The following FAM13A variants were observed in gnomAD, a reference collection of about 807,000 sequenced individuals.
FAM13A encodes the protein family with sequence similarity 13 member A, also known as protein FAM13A.
Under a neutral mutation model 129.6 loss-of-function variants are expected in FAM13A, and 76 were observed. The ratio of observed to expected loss-of-function variants is 0.59; its 90% confidence interval spans 0.49 to 0.71. The LOEUF (loss-of-function observed/expected upper bound fraction) is 0.71. Among genes scored for constraint, FAM13A ranks in the 30% least tolerant of loss-of-function variants. The pLI is 0.00. For missense variants in FAM13A, 1,108 were observed against 1,249.3 expected, an observed-to-expected ratio of 0.89 and a Z score of 1.70; for synonymous variants, 443 against 449.9, an observed-to-expected ratio of 0.98 and a Z score of 0.20.
intron 7 of FAM13A, among the ~76,000 whole-genome samples, chr4:88,817,833 G>C (rs940272764): frequency 6.6e-6 from 1 of 152,148 alleles, no homozygotes; most frequent in Non-Finnish European, 1.5e-5. Flanking sequence ...AGCACTACCT[G>C]AACTGTGCTA....
chr4:88,802,370 C>T (rs375890611), intron 8 of FAM13A, among the ~76,000 whole-genome samples: 7 of 150,946 alleles, frequency 4.6e-5, no homozygotes, highest in African/African-American at 1.5e-4. Context: ...AGATTGATAG[C>T]TACTGTTTCC....
At chr4:88,925,973 G>A (rs1752083620) in intron 5 of FAM13A, among the ~76,000 whole-genome samples, 1 of 152,070 alleles carries the variant, frequency 6.6e-6, no homozygotes, top group African/African-American at 2.4e-5. Context: ...TTAACCAGAA[G>A]CAGAACTTGC....
At chr4:88,759,060 A>T (rs925316126) in intron 13 of FAM13A, 159 bp from the exon 14 acceptor site, 22 of 668,706 alleles carry the variant, frequency 3.3e-5, no homozygotes, top group Non-Finnish European at 5.2e-5. Context: ...CCCGGATCCT[A>T]GCTGGCCACT....
intron 6 of FAM13A, among the ~76,000 whole-genome samples, chr4:88,900,950 A>G (rs1272466145): frequency 6.6e-6 from 1 of 152,098 alleles, no homozygotes; most frequent in Non-Finnish European, 1.5e-5. Flanking sequence ...GATGGAGGAA[A>G]ATTTCCAAGC....
intron 5 of FAM13A, 28 bp downstream of exon 5, chr4:88,938,060 A>T: frequency 1.9e-6 from 3 of 1,572,504 alleles, no homozygotes; most frequent in Non-Finnish European, 2.6e-6. Flanking sequence ...TTATAGCAAT[A>T]CTGAAAATTA....
chr4:89,037,536 T>G (rs1183667694), intron 1 of FAM13A, among the ~76,000 whole-genome samples: 1 of 152,232 alleles, frequency 6.6e-6, no homozygotes, highest in Admixed American at 6.5e-5. Context: ...GACTTTGGAC[T>G]GGACTTTTGA....
At chr4:88,853,945 T>C (rs1738053255) in intron 6 of FAM13A, among the ~76,000 whole-genome samples, 1 of 152,204 alleles carries the variant, frequency 6.6e-6, no homozygotes, top group Non-Finnish European at 1.5e-5. Flanking sequence ...CTCTTGGACT[T>C]ACACCAGTGG....
At chr4:88,776,693 G>C (rs1045857600) in intron 11 of FAM13A, among the ~76,000 whole-genome samples, 1 of 152,060 alleles carries the variant, frequency 6.6e-6, no homozygotes, top group African/African-American at 2.4e-5. Context: ...TGCACCTAGT[G>C]GCCGAGTGTG....
intron 7 of FAM13A, among the ~76,000 whole-genome samples, chr4:88,834,194 G>T (rs1012210882): frequency 2.1e-5 from 3 of 140,898 alleles, no homozygotes; most frequent in African/African-American, 8.4e-5. Flanking sequence ...TTATAGGCGT[G>T]AGCCGCCATG....
intron 5 of FAM13A, among the ~76,000 whole-genome samples, chr4:88,925,356 C>G (rs895450903): frequency 8.5e-5 from 13 of 152,110 alleles, no homozygotes; most frequent in Non-Finnish European, 1.3e-4. Flanking sequence ...ACACATACAC[C>G]ACGGAATACT....
At chr4:89,045,956 G>A (rs148862967) in intron 1 of FAM13A, among the ~76,000 whole-genome samples, 7,288 of 151,108 alleles carry the variant, frequency 0.048, 280 homozygotes, top group South Asian at 0.22. Flanking sequence ...CCTGGGAGGC[G>A]GAGGTTGCAG....
intron 11 of FAM13A, among the ~76,000 whole-genome samples, chr4:88,777,579 C>T (rs1275367091): frequency 6.6e-6 from 1 of 152,176 alleles, no homozygotes; most frequent in East Asian, 1.9e-4. Context: ...TGTAGTTTCT[C>T]AGTCTCTGCT....
intron 8 of FAM13A, among the ~76,000 whole-genome samples, chr4:88,799,820 T>C (rs1164444189): frequency 2.0e-5 from 3 of 152,112 alleles, no homozygotes; most frequent in Non-Finnish European, 2.9e-5. Context: ...CCAACAGAAA[T>C]GAAAGCAAGG....
chr4:88,920,052 G>A (rs1244573575), intron 5 of FAM13A, among the ~76,000 whole-genome samples: 14 of 152,240 alleles, frequency 9.2e-5, no homozygotes, highest in African/African-American at 2.2e-4. Context: ...CGGAAAGCTC[G>A]AACTGGGTGG....
intron 19 of FAM13A, among the ~76,000 whole-genome samples, chr4:88,740,433 T>C (rs1739993787): frequency 6.6e-6 from 1 of 152,204 alleles, no homozygotes; most frequent in Non-Finnish European, 1.5e-5. Context: ...TCCATAAATA[T>C]CAGTCAAATG....
intron 4 of FAM13A, among the ~76,000 whole-genome samples, chr4:88,980,565 AT>A (rs1187259686): frequency 7.7e-6 from 1 of 130,380 alleles, no homozygotes; most frequent in Non-Finnish European, 1.6e-5. Context: ...CCAAAATCAT[AT>A]TTATAGAGAA....
At chr4:88,839,875 A>T (rs1487624121) in intron 7 of FAM13A, among the ~76,000 whole-genome samples, 1 of 152,230 alleles carries the variant, frequency 6.6e-6, no homozygotes. Flanking sequence ...TGGTCTTGCC[A>T]ACTGGATATA....
At chr4:88,955,981 GA>G (rs1044240022) in intron 4 of FAM13A, among the ~76,000 whole-genome samples, 4 of 150,796 alleles carry the variant, frequency 2.7e-5, no homozygotes, top group Non-Finnish European at 4.4e-5. Context: ...AATCCCCAAG[GA>G]AAAAAAAATT....
chr4:88,924,737 C>T (rs1308946405), intron 5 of FAM13A, among the ~76,000 whole-genome samples: 2 of 151,634 alleles, frequency 1.3e-5, no homozygotes, highest in African/African-American at 2.4e-5. Context: ...TGCTGCACAG[C>T]AAAAGAAACT....
Sources: gnomAD v4.1 joint callset for allele counts (sites outside exome capture counted in the v4.1 genomes callset) on GRCh38, gnomAD v4.1.1 for gene constraint, MANE v1.5 for transcripts, NCBI Gene and HGNC (gene_info 2026-07-23, HGNC 2026-07-21) for gene names.